Variants in ALK observed in about 807,000 individuals in gnomAD.
The protein encoded by ALK is ALK receptor tyrosine kinase, also known as ALK tyrosine kinase receptor.
ALK carries 74 observed loss-of-function variants against 163.1 expected under a neutral mutation model. The ratio of observed to expected loss-of-function variants is 0.45; its 90% CI spans 0.38 to 0.55. The LOEUF is 0.55. Ranked by LOEUF, ALK falls within the 20% of genes least tolerant of loss-of-function variation. ALK has a pLI of 0.00. For synonymous variants in ALK, 960 were observed against 843.2 expected, an observed-to-expected ratio of 1.14 and a Z score of -2.40; for missense variants, 2,063 against 2,105.3, an observed-to-expected ratio of 0.98 and a Z score of 0.39.
intron 24 of ALK, among the ~76,000 whole-genome samples, chr2:29,210,487 C>T (rs1669434456): frequency 2.0e-5 from 3 of 152,164 alleles, no homozygotes. Flanking sequence ...GGCTGGAGTG[C>T]AGTGGTGCGA....
intron 3 of ALK, among the ~76,000 whole-genome samples, chr2:29,692,163 A>G (rs1573559719): frequency 1.3e-5 from 2 of 152,224 alleles, no homozygotes; most frequent in East Asian, 1.9e-4. Context: ...TGAAGCTGCA[A>G]TGGGATGCTG....
rs535207814 is a variant in ALK at position 29,672,426 on chromosome 2, G to A, written c.952+22424C>T. Among the ~76,000 whole-genome samples the A allele has an allele frequency of 1.0e-4, 15 of 150,036 alleles. No individual in the cohort carries two copies. The East Asian group carries it at 2.6e-3, about 26-fold the overall frequency. ...CCACCTATGAGTGAGAATATGCGGT[G>A]TTTGGTTTTTTGTTCTTGCGATAGT... On this transcript the variant is annotated intron_variant, in intron 3 of 28. Coordinates refer to ENST00000389048, the MANE Select transcript of ALK (RefSeq NM_004304.5).
intron 3 of ALK, among the ~76,000 whole-genome samples, chr2:29,663,993 A>G (rs987394108): frequency 2.0e-5 from 3 of 152,160 alleles, no homozygotes; most frequent in African/African-American, 7.2e-5. Context: ...AGAGGAAAGT[A>G]CTACCTCTAG....
chr2:29,740,941 G>A (rs573309238), intron 1 of ALK, among the ~76,000 whole-genome samples: 31 of 152,316 alleles, frequency 2.0e-4, no homozygotes, highest in Non-Finnish European at 4.0e-4. Flanking sequence ...GGCAGAGGTT[G>A]CAGTGAGCAG....
At chr2:29,703,897 T>C (rs1207964203) in intron 2 of ALK, among the ~76,000 whole-genome samples, 3 of 152,092 alleles carry the variant, frequency 2.0e-5, no homozygotes, top group Non-Finnish European at 4.4e-5. Context: ...TCACATACAG[T>C]GTGGAGGGCA....
chr2:29,675,770 T>C (rs1201919358), intron 3 of ALK, among the ~76,000 whole-genome samples: 2 of 152,090 alleles, frequency 1.3e-5, no homozygotes, highest in Non-Finnish European at 2.9e-5. Context: ...TCATTGATTA[T>C]TTCCTGTGTA....
chr2:29,819,885 G>A (rs979101358), intron 1 of ALK, among the ~76,000 whole-genome samples: 4 of 152,194 alleles, frequency 2.6e-5, no homozygotes, highest in African/African-American at 9.6e-5. Context: ...AGAATGAAAT[G>A]TGTCTTTCTT....
intron 11 of ALK, among the ~76,000 whole-genome samples, chr2:29,274,205 T>C (rs755739290): frequency 1.1e-4 from 16 of 152,234 alleles, no homozygotes; most frequent in Admixed American, 2.6e-4. Context: ...TGAGAGCAGA[T>C]GTGGCAAAGG....
At chr2:29,253,361 A>C (rs1278164574) in intron 11 of ALK, among the ~76,000 whole-genome samples, 3 of 152,208 alleles carry the variant, frequency 2.0e-5, no homozygotes, top group African/African-American at 7.2e-5. Context: ...GTTTGGGGGC[A>C]GCTTCATCAT....
Position 29,193,752 on chromosome 2 carries a change from A to C in ALK, c.4335T>G (p.Pro1445=). Residue 1445 remains proline (P), a synonymous_variant, in exon 29 of 29, where the codon CCT becomes CCG. Transcript: ENST00000389048. ...TTGCAGCCTTGCCAGAGGAGGTGGT[A>C]GGCAGAGGTGGTGGGGCAGCTGGGC... ...ERSPAAPPPL[P]TTSSGKAAKK... 6.3e-7 allele frequency: 1 copy of C among 1,598,688 alleles called. No homozygotes were observed. The highest frequency in any genetic ancestry group is 8.5e-7 in the Non-Finnish European group (1 of 1,171,324).
At chr2:29,447,014 G>A (rs1234677296) in intron 4 of ALK, among the ~76,000 whole-genome samples, 2 of 152,166 alleles carry the variant, frequency 1.3e-5, no homozygotes, top group African/African-American at 4.8e-5. Flanking sequence ...ATGGTGCCAG[G>A]CACTTACTCA....
chr2:29,632,110 TC>T (rs2148237746), intron 3 of ALK, among the ~76,000 whole-genome samples: 1 of 152,326 alleles, frequency 6.6e-6, no homozygotes, highest in South Asian at 2.1e-4. Context: ...GAAAGTTTCT[TC>T]TTCTCTCTCC....
At chr2:29,441,942 T>G (rs1170020347) in intron 4 of ALK, among the ~76,000 whole-genome samples, 4 of 152,204 alleles carry the variant, frequency 2.6e-5, no homozygotes, top group Admixed American at 2.6e-4. Context: ...TATGTTGTCT[T>G]GTAGAGGCAC....
chr2:29,827,164 G>A (rs775227555), intron 1 of ALK, among the ~76,000 whole-genome samples: 65 of 152,226 alleles, frequency 4.3e-4, no homozygotes, highest in Non-Finnish European at 7.1e-4. Context: ...AGAACAGCAC[G>A]CAGATCAGAG....
chr2:29,736,221 C>A (rs1389116816), intron 1 of ALK, among the ~76,000 whole-genome samples: 1 of 151,974 alleles, frequency 6.6e-6, no homozygotes, highest in Admixed American at 6.6e-5. Flanking sequence ...TGGAAAATTA[C>A]ATATATTGTA....
In ALK at chr2:29,408,081, C is replaced by CTTTTTTTTTTTTTTTTTTTTT. The variant is rs760683752; in HGVS notation, c.1155-24223_1155-24222insAAAAAAAAAAAAAAAAAAAAA. 1.4e-5 allele frequency among the ~76,000 whole-genome samples: 2 copies of CTTTTTTTTTTTTTTTTTTTTT among 140,850 alleles called. 1 individual carries two copies. Among genetic ancestry groups the CTTTTTTTTTTTTTTTTTTTTT allele is most frequent in the African/African-American group, 5.6e-5 (2 of 35,766 alleles). 92.4% of individuals were successfully genotyped at this position (140,850 alleles called of 152,430 possible). A position where few individuals can be genotyped will look rare whatever the true frequency, so the allele number is the denominator to read the frequency against. On this transcript the variant is annotated intron_variant, in intron 4 of 28. Coordinates refer to ENST00000389048, the MANE Select transcript of ALK (RefSeq NM_004304.5). The stretch of plus-strand genomic sequence containing the variant: ...TAGGCAAAGGTACTCAGGGAAAGTT[C>CTTTTTTTTTTTTTTTTTTTTT]TTTTTCTTTTTTTTTTTTTGAGATG...
In ALK at chr2:29,328,472, G is replaced by T; in HGVS notation, c.1292C>A (p.Pro431Gln). ...ALKNCSEGTS[P>Q]GSKMALQSSF... ...GCTCTGCAGGGCCATCTTGGAGCCTGGGGATGTTCCTGGAGAGCACACAGA... is the reference window on the plus strand; with the variant it reads ...GCTCTGCAGGGCCATCTTGGAGCCTTGGGATGTTCCTGGAGAGCACACAGA... Residue 431 changes from proline (P) to glutamine (Q), a missense_variant, in exon 6 of 29, where the codon CCA becomes CAA. Pro to Gln is a moderately conservative substitution (Grantham distance 76). This residue lies in a region of ALK where 987 missense variants were observed against 939.5 expected (regional missense o/e 1.05). Transcript: ENST00000389048. 6.2e-7 allele frequency: 1 copy of T among 1,614,164 alleles called. No homozygotes were observed. The highest frequency in any genetic ancestry group is 8.5e-7 in the Non-Finnish European group (1 of 1,180,020).
chr2:29,468,348 G>C (rs1284461015), intron 4 of ALK, among the ~76,000 whole-genome samples: 1 of 152,092 alleles, frequency 6.6e-6, no homozygotes, highest in Non-Finnish European at 1.5e-5. Flanking sequence ...ATAGTGTAAA[G>C]GAGTCCTGAG....
At chr2:29,302,448 G>A (rs1304505392) in intron 8 of ALK, among the ~76,000 whole-genome samples, 1 of 152,204 alleles carries the variant, frequency 6.6e-6, no homozygotes, top group Non-Finnish European at 1.5e-5. Context: ...AACCCGGGAG[G>A]CGGAGGTTGC....
Sources: allele counts gnomAD v4.1 joint callset (sites outside exome capture counted in the v4.1 genomes callset), GRCh38; gene constraint gnomAD v4.1.1; regional missense constraint gnomAD v4.1.1; transcripts MANE v1.5; gene names NCBI Gene and HGNC (gene_info 2026-07-23, HGNC 2026-07-21).